Variants in ERBIN observed in about 807,000 individuals in gnomAD.
The protein encoded by ERBIN is erbb2 interacting protein, also known as densin-180-like protein.
ERBIN carries 60 observed loss-of-function variants against 158.4 expected under a neutral mutation model. The ratio of observed to expected loss-of-function variants is 0.38; its 90% confidence interval spans 0.31 to 0.47. The LOEUF (loss-of-function observed/expected upper bound fraction) is 0.47. Among genes scored for constraint, ERBIN ranks in the 20% least tolerant of loss-of-function variants. The pLI is 0.99. For missense variants in ERBIN, 1,610 were observed against 1,648.0 expected, an observed-to-expected ratio of 0.98 and a Z score of 0.40; for synonymous variants, 594 against 557.2, an observed-to-expected ratio of 1.07 and a Z score of -0.93.
intron 14 of ERBIN, among the ~76,000 whole-genome samples, chr5:66,035,055 T>C (rs1318001665): frequency 6.6e-6 from 1 of 152,204 alleles, no homozygotes; most frequent in East Asian, 1.9e-4. Context: ...CATACTCTGC[T>C]GGTTGTCCTT....
At position 66,046,379 on chromosome 5, in the gene ERBIN, A is replaced by T; in HGVS notation, c.1629A>T (p.Lys543Asn). Reference sequence around the variant, plus strand: ...CCTCAGAAAGTACTACTACAGTAAAAAGCAAAGTTGATGAAAGAGAAAAAT... The same window carrying T: ...CCTCAGAAAGTACTACTACAGTAAATAGCAAAGTTGATGAAAGAGAAAAAT... ...VKTSESTTTVKSKVDEREKYM... is the reference protein window; with the variant it reads ...VKTSESTTTVNSKVDEREKYM... The change falls in exon 18 of 26, where the codon AAA (lysine) becomes AAT (asparagine). Residue 543 changes from lysine to asparagine, a missense_variant. Lys to Asn is a moderately conservative substitution (Grantham distance 94). Coordinates refer to ENST00000284037, the MANE Select transcript of ERBIN (RefSeq NM_001253697.2). 6.3e-7 allele frequency: 1 copy of T among 1,594,758 alleles called. No individual in the cohort carries two copies. The highest frequency in any genetic ancestry group is 8.6e-7 in the Non-Finnish European group (1 of 1,168,716).
intron 4 of ERBIN, among the ~76,000 whole-genome samples, chr5:66,010,505 T>G (rs1055104989): frequency 3.3e-5 from 5 of 152,208 alleles, no homozygotes; most frequent in African/African-American, 1.2e-4. Flanking sequence ...ACCCTGTTTT[T>G]CATCATACTT....
intron 4 of ERBIN, among the ~76,000 whole-genome samples, chr5:65,995,373 A>T (rs1348708568): frequency 2.8e-5 from 4 of 144,652 alleles, no homozygotes; most frequent in African/African-American, 7.6e-5. Flanking sequence ...CTTATGTGGT[A>T]TTTTTTTTTT....
intron 7 of ERBIN, among the ~76,000 whole-genome samples, chr5:66,018,487 T>TTATATATTATATTA: frequency 1.5e-4 from 1 of 6,588 alleles, no homozygotes; most frequent in Admixed American, 2.2e-3. Flanking sequence ...ATATTATATA[T>TTATATATTATATTA]TATATTATAT....
intron 4 of ERBIN, among the ~76,000 whole-genome samples, chr5:65,996,538 T>A (rs967382364): frequency 6.6e-6 from 1 of 152,180 alleles, no homozygotes; most frequent in Non-Finnish European, 1.5e-5. Flanking sequence ...TGATTACGAT[T>A]GCTTTGTAGC....
In ERBIN at chr5:66,024,411, T is replaced by C. The variant is rs1756017304; in HGVS notation, c.778T>C (p.Leu260=). Residue 260 remains leucine (L), a synonymous_variant, in exon 10 of 26, where the codon TTA becomes CTA. Transcript: ENST00000284037. ...ATGTGAAAACCTTCAAGACCTCCTA[T>C]TATCAAGCAATTCACTTCAGCAGCT... ...STCENLQDLL[L]SSNSLQQLPE... The C allele has an allele frequency of 6.2e-7, 1 of 1,603,620 alleles. No individual in the cohort carries two copies. The highest frequency in any genetic ancestry group is 1.3e-5 in the African/African-American group (1 of 74,304).
At position 66,024,365 on chromosome 5, in the gene ERBIN, G is replaced by A. The variant is rs1756013400; in HGVS notation, c.732G>A (p.Met244Ile). 6.3e-7 allele frequency: 1 copy of A among 1,594,622 alleles called. No homozygotes were observed. Among genetic ancestry groups the A allele is most frequent in the Non-Finnish European group, 8.6e-7 (1 of 1,167,074 alleles). The part of the protein sequence containing the change: ...YLDVSKNNIE[M>I]VEEGISTCEN... Reference sequence around the variant, plus strand: ...ATGTTTCTAAAAATAATATTGAAATGGTTGAAGAAGGAATTTCAACATGTG... The same window carrying A: ...ATGTTTCTAAAAATAATATTGAAATAGTTGAAGAAGGAATTTCAACATGTG... Residue 244 changes from methionine (M) to isoleucine (I), a missense_variant, in exon 10 of 26, where the codon ATG becomes ATA. Transcript: ENST00000284037.
At chr5:66,062,133 G>T (rs1760457826) in intron 21 of ERBIN, among the ~76,000 whole-genome samples, 1 of 152,068 alleles carries the variant, frequency 6.6e-6, no homozygotes, top group Non-Finnish European at 1.5e-5. Context: ...ATATCCTGCA[G>T]TGTTTTCCAA....
intron 1 of ERBIN, among the ~76,000 whole-genome samples, chr5:65,970,150 T>A (rs557772326): frequency 2.2e-4 from 34 of 152,334 alleles, no homozygotes; most frequent in African/African-American, 7.9e-4. Flanking sequence ...ATTAATGACT[T>A]TTGTTTATTA....
At chr5:66,045,191 C>G (rs1758307430) in intron 17 of ERBIN, among the ~76,000 whole-genome samples, 1 of 151,966 alleles carries the variant, frequency 6.6e-6, no homozygotes, top group Admixed American at 6.6e-5. Context: ...AGCACTCCGG[C>G]ATGGGTGACA....
chr5:66,068,978 G>C lies in ERBIN; in HGVS notation c.3634-3191G>C, dbSNP rs1263359749. On this transcript the variant is annotated intron_variant, in intron 21 of 25. Coordinates refer to ENST00000284037, the MANE Select transcript of ERBIN (RefSeq NM_001253697.2). ...ATGGCAGCCAGGGCAGTCTTGCCTT[G>C]AGTGTTGCAGACAGAAGAGGTTCTG... 4 of 1,535,430 alleles carry C rather than the reference G, an allele frequency of 2.6e-6. No individual in the cohort carries two copies. In the South Asian group the frequency reaches 3.6e-5, roughly 14 times the overall value.
At position 66,018,556 on chromosome 5, in the gene ERBIN, TATAA is replaced by T. The variant is rs1755239749; in HGVS notation, c.534-2765_534-2762del. Among the ~76,000 whole-genome samples, 2 of 19,052 alleles carry T rather than the reference TATAA, an allele frequency of 1.0e-4. 1 individual carries two copies. The highest frequency in any genetic ancestry group is 2.4e-4 in the African/African-American group (2 of 8,248). 12.5% of individuals were successfully genotyped at this position (19,052 alleles called of 152,430 possible). A position where few individuals can be genotyped will look rare whatever the true frequency, so the allele number is the denominator to read the frequency against. ...ATTATATAATATATATTATATATTA[TATAA>T]TATATATTATATTATATAATATATA... On this transcript the variant is annotated intron_variant, in intron 7 of 25. Coordinates refer to ENST00000284037, the MANE Select transcript of ERBIN (RefSeq NM_001253697.2).
chr5:65,941,313 T>TTA (rs1744993103), intron 1 of ERBIN, among the ~76,000 whole-genome samples: 7 of 60,088 alleles, frequency 1.2e-4, no homozygotes, highest in Non-Finnish European at 2.0e-4. Flanking sequence ...GAATGATCAA[T>TTA]AAAAAAAAAA....
chr5:66,055,885 T>A (rs1419495445), intron 21 of ERBIN, among the ~76,000 whole-genome samples: 2 of 152,204 alleles, frequency 1.3e-5, no homozygotes, highest in African/African-American at 2.4e-5. Flanking sequence ...AGCCTATAAT[T>A]GTTCTTTTTA....
intron 1 of ERBIN, among the ~76,000 whole-genome samples, chr5:65,939,989 C>T (rs1441125447): frequency 4.9e-4 from 69 of 139,520 alleles, no homozygotes; most frequent in South Asian, 2.8e-3. Context: ...AAGTGAGGAG[C>T]GTCTCTGCCT....
In ERBIN at chr5:65,926,669, C is replaced by T. The variant is rs563222122; in HGVS notation, c.-195C>T. 3.9e-5 allele frequency: 6 copies of T among 151,938 alleles called. No homozygotes were observed. The East Asian group carries it at 1.2e-3, about 30-fold the overall frequency. The allele number at this position is 151,938 out of a possible 1,614,324, so 9.4% of individuals were successfully genotyped here. A position where few individuals can be genotyped will look rare whatever the true frequency, so the allele number is the denominator to read the frequency against. On this transcript the variant is annotated 5_prime_UTR_variant, in exon 1 of 26. Coordinates refer to ENST00000284037, the MANE Select transcript of ERBIN (RefSeq NM_001253697.2). ...ACCCCCACCAAAGCCACCTACTCTTCTTCTGTGGGAGGCCAGTCCACATCC... is the reference window on the plus strand; with the variant it reads ...ACCCCCACCAAAGCCACCTACTCTTTTTCTGTGGGAGGCCAGTCCACATCC...
intron 1 of ERBIN, among the ~76,000 whole-genome samples, chr5:65,940,197 C>T (rs1317878898): frequency 6.6e-6 from 1 of 150,752 alleles, no homozygotes; most frequent in Non-Finnish European, 1.5e-5. Flanking sequence ...CTCTGCCCCG[C>T]CGCCCCGTCT....
intron 4 of ERBIN, among the ~76,000 whole-genome samples, chr5:66,001,492 A>G (rs1183115135): frequency 6.6e-6 from 1 of 152,100 alleles, no homozygotes; most frequent in Non-Finnish European, 1.5e-5. Context: ...TCATTTGGTA[A>G]GTTAGCATGG....
At chr5:66,010,555 G>C (rs1754097493) in intron 4 of ERBIN, among the ~76,000 whole-genome samples, 1 of 152,088 alleles carries the variant, frequency 6.6e-6, no homozygotes, top group South Asian at 2.1e-4. Flanking sequence ...AGTTTTGACT[G>C]AAACAGTTAC....
Sources: gnomAD v4.1 joint callset for allele counts (sites outside exome capture counted in the v4.1 genomes callset) on GRCh38, gnomAD v4.1.1 for gene constraint, MANE v1.5 for transcripts, NCBI Gene and HGNC (gene_info 2026-07-23, HGNC 2026-07-21) for gene names.